The following PPP2R1B variants were observed in gnomAD, a reference collection of about 807,000 sequenced individuals.
PPP2R1B encodes serine/threonine-protein phosphatase 2A 65 kDa regulatory subunit A beta isoform.
In PPP2R1B, 58 loss-of-function variants were observed where a neutral mutation model predicts 72.7. The ratio of observed to expected loss-of-function variants is 0.80; its 90% CI spans 0.65 to 0.99. The LOEUF (loss-of-function observed/expected upper bound fraction) is 0.99, where lower values mean the gene tolerates loss of function less well. Among genes scored for constraint, PPP2R1B ranks in the 50% least tolerant of loss-of-function variants. The pLI is 0.00. For synonymous variants in PPP2R1B, 256 were observed against 264.6 expected, an observed-to-expected ratio of 0.97 and a Z score of 0.32; for missense variants, 695 against 733.6, an observed-to-expected ratio of 0.95 and a Z score of 0.61.
At chr11:111,755,538 A>C (rs569284799) in intron 5 of PPP2R1B, 88 bp from the exon 6 acceptor site, 49 of 1,274,930 alleles carry the variant, frequency 3.8e-5, no homozygotes, top group South Asian at 1.6e-4. Flanking sequence ...AAAAAAATTA[A>C]CACCACCAAG....
At chr11:111,703,558 C>A in the PPP2R1B span, 1 of 692,244 alleles carries the variant, frequency 1.4e-6, no homozygotes, top group Non-Finnish European at 2.4e-6. Context: ...CTATAGATGA[C>A]ATCAGACTCT....
downstream of PPP2R1B, among the ~76,000 whole-genome samples, chr11:111,735,604 T>TC (rs1451140124): frequency 6.6e-6 from 1 of 152,174 alleles, no homozygotes. Flanking sequence ...TCCACAGACT[T>TC]CAAGGGTGCC....
intron 15 of PPP2R1B, chr11:111,729,417 A>C (rs1944106710): frequency 1.3e-5 from 2 of 152,282 alleles, no homozygotes; most frequent in African/African-American, 4.8e-5. Flanking sequence ...TTTCTCTTCT[A>C]ACCCTCACAA....
chr11:111,722,670 C>T (rs758041205), downstream of PPP2R1B: 14 of 1,613,700 alleles, frequency 8.7e-6, no homozygotes, highest in Non-Finnish European at 1.2e-5. The surrounding 1 kb of genome is among the most constrained non-coding windows in gnomAD (Gnocchi z 4.4). Context: ...TCCAGAAGCC[C>T]AGCCTTCTGT....
the PPP2R1B span, among the ~76,000 whole-genome samples, chr11:111,713,216 G>T: frequency 6.6e-6 from 1 of 152,104 alleles, no homozygotes; most frequent in Non-Finnish European, 1.5e-5. Context: ...AATGAAGTTG[G>T]CATTTAGGAT....
chr11:111,765,747 C>T, intron 1 of PPP2R1B: 2 of 480,846 alleles, frequency 4.2e-6, no homozygotes, highest in Non-Finnish European at 8.2e-6. Flanking sequence ...TCCCACAGAG[C>T]GGATACACTA....
chr11:111,711,179 C>T, the PPP2R1B span, among the ~76,000 whole-genome samples: 28 of 150,448 alleles, frequency 1.9e-4, no homozygotes, highest in East Asian at 5.9e-4. Context: ...AGTGCAGTGG[C>T]GGGATCTTGG....
chr11:111,741,347 G>T lies in PPP2R1B; in HGVS notation c.*249C>A. 7.5e-7 allele frequency: 1 copy of T among 1,331,314 alleles called. No homozygotes were observed. The highest frequency in any genetic ancestry group is 9.6e-7 in the Non-Finnish European group (1 of 1,041,646). 82.5% of individuals were successfully genotyped at this position (1,331,314 alleles called of 1,614,324 possible). A position where few individuals can be genotyped will look rare whatever the true frequency, so the allele number is the denominator to read the frequency against. On this transcript the variant is annotated 3_prime_UTR_variant, in exon 15 of 15. Transcript: ENST00000527614. ...GGTGGTGATGGATAAAGCATTAGGA[G>T]ACAATCAAGTGTCAGGAATTGGTCA...
chr11:111,764,983 A>T, intron 2 of PPP2R1B, 78 bp from the exon 3 acceptor site: 4 of 1,564,042 alleles, frequency 2.6e-6, no homozygotes, highest in Non-Finnish European at 3.5e-6. Context: ...CTAGGAACAG[A>T]TTCACTATGC....
chr11:111,765,795 T>C, intron 1 of PPP2R1B: 1 of 473,872 alleles, frequency 2.1e-6, no homozygotes, highest in Non-Finnish European at 4.2e-6. Flanking sequence ...CCCCGCTTTC[T>C]ACCCAACAAG....
At chr11:111,695,912 G>A in the PPP2R1B span, among the ~76,000 whole-genome samples, 26 of 152,186 alleles carry the variant, frequency 1.7e-4, no homozygotes, top group Admixed American at 2.6e-4. Flanking sequence ...ATTTAGTGAT[G>A]ACAGTGATAA....
chr11:111,721,965 A>C, downstream of PPP2R1B: 1 of 1,511,810 alleles, frequency 6.6e-7, no homozygotes, highest in Non-Finnish European at 8.9e-7. Flanking sequence ...TTGCGAGTCC[A>C]CCTCACTCTG....
At chr11:111,706,514 T>C in the PPP2R1B span, among the ~76,000 whole-genome samples, 1 of 152,268 alleles carries the variant, frequency 6.6e-6, no homozygotes, top group African/African-American at 2.4e-5. Flanking sequence ...AGGAGAGTTT[T>C]GACTTTGTAT....
the PPP2R1B span, among the ~76,000 whole-genome samples, chr11:111,713,788 G>A: frequency 3.3e-5 from 5 of 152,154 alleles, no homozygotes; most frequent in African/African-American, 1.2e-4. Flanking sequence ...CCAACATGGC[G>A]AAACTCCGTC....
chr11:111,688,827 T>C, the PPP2R1B span, among the ~76,000 whole-genome samples: 1 of 152,226 alleles, frequency 6.6e-6, no homozygotes, highest in African/African-American at 2.4e-5. The surrounding 1 kb of genome is among the most constrained non-coding windows in gnomAD (Gnocchi z 4.2). Flanking sequence ...GTGGAAATCA[T>C]TTCACAACAT....
At chr11:111,723,691 C>T (rs1380111221), downstream of PPP2R1B, 2 of 1,614,194 alleles carry the variant, frequency 1.2e-6, no homozygotes, top group South Asian at 2.2e-5. Context: ...TGGAGCCTTC[C>T]TCCGAGCAGA....
chr11:111,718,140 C>T, the PPP2R1B span, among the ~76,000 whole-genome samples: 1 of 152,140 alleles, frequency 6.6e-6, no homozygotes, highest in African/African-American at 2.4e-5. Context: ...AAAATTTTGA[C>T]GGAGGCCGTA....
the PPP2R1B span, among the ~76,000 whole-genome samples, chr11:111,695,464 T>C: frequency 6.6e-6 from 1 of 152,190 alleles, no homozygotes; most frequent in South Asian, 2.1e-4. Flanking sequence ...TTATTTAATC[T>C]CCTATTTAAA....
chr11:111,741,314 G>T lies in PPP2R1B; in HGVS notation c.*282C>A. 8.2e-7 allele frequency: 1 copy of T among 1,226,738 alleles called. No individual in the cohort carries two copies. The highest frequency in any genetic ancestry group is 1.0e-6 in the Non-Finnish European group (1 of 980,520). The allele number at this position is 1,226,738 out of a possible 1,614,324, so 76.0% of individuals were successfully genotyped here. A position where few individuals can be genotyped will look rare whatever the true frequency, so the allele number is the denominator to read the frequency against. Reference sequence around the variant, plus strand: ...TGCCTGATTCCACAGTGAGGATGCAGGAGCCCAGGTGGTGATGGATAAAGC... The same window carrying T: ...TGCCTGATTCCACAGTGAGGATGCATGAGCCCAGGTGGTGATGGATAAAGC... On this transcript the variant is annotated 3_prime_UTR_variant, in exon 15 of 15. Transcript: ENST00000527614.
Sources: gnomAD v4.1 joint callset for allele counts (sites outside exome capture counted in the v4.1 genomes callset) on GRCh38, gnomAD v4.1.1 for gene constraint, Gnocchi (gnomAD v3.1) non-coding constraint, MANE v1.5 for transcripts, NCBI Gene and HGNC (gene_info 2026-07-23, HGNC 2026-07-21) for gene names.